DOP1A: variants seen among roughly 807,000 people sequenced by gnomAD.
DOP1A encodes the protein protein DOP1A.
Under a neutral mutation model 267.6 loss-of-function variants are expected in DOP1A, and 90 were observed. That is an observed-to-expected ratio of 0.34 (90% CI 0.28 to 0.40). DOP1A has a LOEUF of 0.40. DOP1A is among the 10% of genes least tolerant of loss of function. DOP1A has a pLI of 1.00. For synonymous variants in DOP1A, 932 were observed against 999.1 expected, an observed-to-expected ratio of 0.93 and a Z score of 1.27; for missense variants, 2,437 against 2,900.4, an observed-to-expected ratio of 0.84 and a Z score of 3.67.
At chr6:83,164,473 A>C (rs1263527056) in intron 38 of DOP1A, among the ~76,000 whole-genome samples, 1 of 152,046 alleles carries the variant, frequency 6.6e-6, no homozygotes, top group Non-Finnish European at 1.5e-5. Context: ...GAATTTTTAT[A>C]AGACCCCCCT....
At chr6:83,068,496 T>C (rs943164568) in intron 1 of DOP1A, among the ~76,000 whole-genome samples, 1 of 152,186 alleles carries the variant, frequency 6.6e-6, no homozygotes, top group Non-Finnish European at 1.5e-5. Context: ...TACACTATCT[T>C]AGAGTTCTAT....
Position 83,130,223 on chromosome 6 carries a change from T to C in DOP1A, c.2442T>C (p.Val814=). 6.2e-7 allele frequency: 1 copy of C among 1,614,050 alleles called. No individual in the cohort carries two copies. Among genetic ancestry groups the C allele is most frequent in the Non-Finnish European group, 8.5e-7 (1 of 1,179,970 alleles). The change falls in exon 17 of 39, where the codon GTT becomes GTC. Residue 814 remains valine (V), a synonymous_variant. Transcript: ENST00000349129. ...FSVQSVAISL[V]MDLVGLTQSV... ...TTCAGAGTGTTGCTATTTCACTAGT[T>C]ATGGACCTGGTGGGACTGACACAGT...
At chr6:83,085,655 G>A (rs77008258) in intron 1 of DOP1A, among the ~76,000 whole-genome samples, 1 of 152,146 alleles carries the variant, frequency 6.6e-6, no homozygotes, top group African/African-American at 2.4e-5. Context: ...TGTATTTAGG[G>A]TATAGCTAAG....
At chr6:83,113,567 T>G (rs1774922751) in intron 7 of DOP1A, 146 bp downstream of exon 7, 1 of 582,244 alleles carries the variant, frequency 1.7e-6, no homozygotes, top group Non-Finnish European at 2.9e-6. Flanking sequence ...TCTTAAGGAG[T>G]GGAATTTGTT....
Position 83,152,312 on chromosome 6 carries a change from C to A in DOP1A, c.6074C>A (p.Thr2025Asn), listed in dbSNP as rs145512969. The A allele has an allele frequency of 9.5e-5, 150 of 1,573,410 alleles. No homozygotes were observed. The highest frequency in any genetic ancestry group is 1.2e-4 in the Non-Finnish European group (140 of 1,161,830). The change falls in exon 30 of 39, where the codon ACC (threonine) becomes AAC (asparagine). Residue 2025 changes from threonine (T) to asparagine (N), a missense_variant. Transcript: ENST00000349129. ...GATATGTTATCACCTGCAATGGAAA[C>A]CGCAAACATAACTCCTTCTGTATAT... is the stretch of plus-strand genomic sequence containing the variant. ...VEDMLSPAMETANITPSVYSV... is the reference protein window; with the variant it reads ...VEDMLSPAMENANITPSVYSV...
At chr6:83,143,761 C>G (rs190102133) in intron 24 of DOP1A, among the ~76,000 whole-genome samples, 45 of 152,112 alleles carry the variant, frequency 3.0e-4, no homozygotes, top group Admixed American at 2.0e-3. Flanking sequence ...AGGAGTGATA[C>G]TAGAGACCCA....
At chr6:83,071,691 A>G (rs1785627559) in intron 1 of DOP1A, among the ~76,000 whole-genome samples, 1 of 152,226 alleles carries the variant, frequency 6.6e-6, no homozygotes, top group Non-Finnish European at 1.5e-5. Context: ...AAAGTGTACT[A>G]CAATTACCTT....
At chr6:83,103,983 G>A (rs2128147222) in intron 4 of DOP1A, among the ~76,000 whole-genome samples, 1 of 152,216 alleles carries the variant, frequency 6.6e-6, no homozygotes, top group East Asian at 1.9e-4. Context: ...TATCTTTGAA[G>A]AACCAAAAGT....
intron 7 of DOP1A, among the ~76,000 whole-genome samples, chr6:83,118,309 AG>A (rs1327989046): frequency 2.0e-5 from 3 of 152,158 alleles, no homozygotes; most frequent in Non-Finnish European, 4.4e-5. Context: ...CGTTGAATTA[AG>A]GATATTGGGA....
chr6:83,168,684 C>T, downstream of DOP1A: 1 of 995,298 alleles, frequency 1.0e-6, no homozygotes, highest in Non-Finnish European at 1.2e-6. Flanking sequence ...TGAGCATCTC[C>T]ACCTCAGTAT....
At chr6:83,167,189 G>GT (rs2128463125) in intron 38 of DOP1A, 1 of 889,194 alleles carries the variant, frequency 1.1e-6, no homozygotes, top group Admixed American at 6.2e-5. Flanking sequence ...AGGAACCTTT[G>GT]TATATCCTGC....
chr6:83,124,682 TA>T, intron 12 of DOP1A, 22 bp from the exon 13 acceptor site: 1 of 1,558,832 alleles, frequency 6.4e-7, no homozygotes, highest in South Asian at 1.1e-5. Context: ...GTATACTTAA[TA>T]AAGTGAATTT....
Position 83,122,960 on chromosome 6 carries a change from C to A in DOP1A, c.1318C>A (p.Arg440Ser), listed in dbSNP as rs146628555. ...TTATTATATGTGGGATTATGTTGCA[C>A]GCTGGTTTGAAGAATGTTGTAGGTA... ...EPYYMWDYVA[R>S]WFEECCRRTL... Residue 440 changes from arginine (R) to serine (S), a missense_variant, in exon 12 of 39, where the codon CGC becomes AGC. By Grantham distance (110) the Arg-to-Ser change is moderately radical (BLOSUM62 -1). This residue lies in a region of DOP1A where 498 missense variants were observed against 513.5 expected (regional missense o/e 0.97). Coordinates refer to ENST00000349129, the MANE Select transcript of DOP1A (RefSeq NM_015018.4). The A allele has an allele frequency of 6.3e-7, 1 of 1,581,838 alleles. No individual in the cohort carries two copies.
At position 83,167,973 on chromosome 6, in the gene DOP1A, G is replaced by A; in HGVS notation, c.7204G>A (p.Val2402Met). 1 of 1,614,154 alleles carries A rather than the reference G, an allele frequency of 6.2e-7. No homozygotes were observed. Among genetic ancestry groups the A allele is most frequent in the Non-Finnish European group, 8.5e-7 (1 of 1,180,020 alleles). ...GGAGCAGCTCCTGCCGTTCTTCAAT[G>A]TGCTCAGTCAAGTCTTCAACAGCAA... ...SMEQLLPFFN[V>M]LSQVFNSKVT... Residue 2402 changes from valine to methionine, a missense_variant, in exon 39 of 39, where the codon GTG (valine) becomes ATG (methionine). By Grantham distance (21) the Val-to-Met change is conservative. Coordinates refer to ENST00000349129, the MANE Select transcript of DOP1A (RefSeq NM_015018.4).
At chr6:83,160,830 A>G (rs528546661) in intron 37 of DOP1A, among the ~76,000 whole-genome samples, 3 of 152,302 alleles carry the variant, frequency 2.0e-5, no homozygotes, top group East Asian at 1.9e-4. Flanking sequence ...AGAGTATGCT[A>G]CTGAGCTTTT....
chr6:83,133,450 A>G (rs920512577), intron 18 of DOP1A, among the ~76,000 whole-genome samples: 2 of 152,120 alleles, frequency 1.3e-5, no homozygotes, highest in African/African-American at 2.4e-5. Context: ...CCTCCCACCT[A>G]TCACAAGCAT....
downstream of DOP1A, chr6:83,170,242 A>C (rs1352327415): frequency 6.8e-7 from 1 of 1,461,944 alleles, no homozygotes; most frequent in Non-Finnish European, 9.5e-7. Flanking sequence ...AAAACCATTA[A>C]AATAGTTTGC....
At position 83,099,873 on chromosome 6, in the gene DOP1A, A is replaced by T. The variant is rs76117710; in HGVS notation, c.139-832A>T. On this transcript the variant is annotated intron_variant, in intron 3 of 38. Coordinates refer to ENST00000349129, the MANE Select transcript of DOP1A (RefSeq NM_015018.4). ...TGCACTAACCTATTATTTCAACCTCAGTTTATTCTGTAAAATAAGACTTTG... is the reference window on the plus strand; with the variant it reads ...TGCACTAACCTATTATTTCAACCTCTGTTTATTCTGTAAAATAAGACTTTG... Among the ~76,000 whole-genome samples the T allele has an allele frequency of 1.7e-4, 26 of 152,234 alleles. No individual in the cohort carries two copies. In the East Asian group the frequency reaches 4.8e-3, roughly 28 times the overall value.
In DOP1A at chr6:83,160,004, A is replaced by G. The variant is rs756902030; in HGVS notation, c.6962+44A>G. 4.4e-6 allele frequency: 7 copies of G among 1,597,848 alleles called. No individual in the cohort carries two copies. The Admixed American group carries it at 1.2e-4, about 27-fold the overall frequency. Reference sequence around the variant, plus strand: ...ATTAAATGGTTATTTTTGAAAGTGCATTTGCTTTGGTCACTGACATCTATG... The same window carrying G: ...ATTAAATGGTTATTTTTGAAAGTGCGTTTGCTTTGGTCACTGACATCTATG... On this transcript the variant is annotated intron_variant, in intron 37 of 38. Transcript: ENST00000349129.
Sources: allele counts gnomAD v4.1 joint callset (sites outside exome capture counted in the v4.1 genomes callset), GRCh38; gene constraint gnomAD v4.1.1; regional missense constraint gnomAD v4.1.1; transcripts MANE v1.5; gene names NCBI Gene and HGNC (gene_info 2026-07-23, HGNC 2026-07-21).